The following LOC128092252 variants were observed in gnomAD, a reference collection of about 807,000 sequenced individuals.
chr15:50,678,832 T>A, the LOC128092252 span, among the ~76,000 whole-genome samples: 54 of 151,818 alleles, frequency 3.6e-4, 1 homozygote, highest in East Asian at 9.5e-3. Flanking sequence ...GAGTTCAAGA[T>A]CAACCTGGGC....
At chr15:50,655,927 T>C in the LOC128092252 span, among the ~76,000 whole-genome samples, 1 of 151,636 alleles carries the variant, frequency 6.6e-6, no homozygotes, top group Non-Finnish European at 1.5e-5. Context: ...GAGGCAAAGG[T>C]TGCTGTGAGC....
chr15:50,678,517 AATATAT>A, the LOC128092252 span, among the ~76,000 whole-genome samples: 3,142 of 132,638 alleles, frequency 0.024, 123 homozygotes, highest in African/African-American at 0.081. Flanking sequence ...AAAAAAAAAA[AATATAT>A]ATATATATAT....
the LOC128092252 span, among the ~76,000 whole-genome samples, chr15:50,679,540 T>TATATATATGTGTATATATATAATATA: frequency 2.0e-5 from 1 of 49,542 alleles, no homozygotes; most frequent in African/African-American, 7.7e-5. Context: ...ATATATATAT[T>TATATATATGTGTATATATATAATATA]TTTTTTTTTT....
At chr15:50,667,758 T>C in the LOC128092252 span, among the ~76,000 whole-genome samples, 9 of 152,162 alleles carry the variant, frequency 5.9e-5, no homozygotes, top group African/African-American at 1.9e-4. Context: ...ATTGGATCAA[T>C]TTGTCTATAA....
chr15:50,686,581 T>C, the LOC128092252 span: 1 of 1,606,276 alleles, frequency 6.2e-7, no homozygotes, highest in Middle Eastern at 1.7e-4. Flanking sequence ...CACCTCCTCC[T>C]CCTCCGCGGC....
At chr15:50,673,267 A>G in the LOC128092252 span, among the ~76,000 whole-genome samples, 1 of 151,780 alleles carries the variant, frequency 6.6e-6, no homozygotes, top group African/African-American at 2.4e-5. Context: ...TTTTATTTTT[A>G]TTGTTTTTTA....
At chr15:50,649,751 T>C in the LOC128092252 span, among the ~76,000 whole-genome samples, 1 of 152,074 alleles carries the variant, frequency 6.6e-6, no homozygotes, top group Non-Finnish European at 1.5e-5. Flanking sequence ...AGCTGGGCAG[T>C]CTCATTGATT....
At chr15:50,650,506 C>T in the LOC128092252 span, among the ~76,000 whole-genome samples, 3 of 151,906 alleles carry the variant, frequency 2.0e-5, no homozygotes, top group Non-Finnish European at 2.9e-5. Context: ...ACCAGCCTGA[C>T]CAATATGGTG....
the LOC128092252 span, among the ~76,000 whole-genome samples, chr15:50,672,149 G>A: frequency 6.6e-6 from 1 of 152,022 alleles, no homozygotes; most frequent in African/African-American, 2.4e-5. Context: ...CATCTCCCGG[G>A]TTCACGCCAT....
the LOC128092252 span, chr15:50,686,615 T>A: frequency 6.4e-7 from 1 of 1,567,332 alleles, no homozygotes; most frequent in Non-Finnish European, 8.6e-7. Flanking sequence ...TCGGGAAGCG[T>A]CTCCGGAGGC....
chr15:50,662,834 T>C, the LOC128092252 span: 1 of 718,078 alleles, frequency 1.4e-6, no homozygotes, highest in South Asian at 1.7e-5. Flanking sequence ...AATTAAATGA[T>C]TAACAGTAAT....
the LOC128092252 span, among the ~76,000 whole-genome samples, chr15:50,677,182 T>G: frequency 6.6e-6 from 1 of 152,136 alleles, no homozygotes; most frequent in Non-Finnish European, 1.5e-5. Context: ...AGCTGCCTCC[T>G]CACTGTGTCT....
chr15:50,684,129 G>T, the LOC128092252 span, among the ~76,000 whole-genome samples: 1 of 151,110 alleles, frequency 6.6e-6, no homozygotes, highest in Non-Finnish European at 1.5e-5. Context: ...AAAGTATGGG[G>T]ATTACTGCGC....
the LOC128092252 span, among the ~76,000 whole-genome samples, chr15:50,657,492 A>T: frequency 5.4e-4 from 83 of 152,310 alleles, no homozygotes; most frequent in African/African-American, 2.0e-3. Context: ...GTTTCCTGAC[A>T]GAACCATGAT....
chr15:50,654,502 C>T, the LOC128092252 span, among the ~76,000 whole-genome samples: 1 of 150,966 alleles, frequency 6.6e-6, no homozygotes, highest in Non-Finnish European at 1.5e-5. Flanking sequence ...AAAGCAGTCA[C>T]CAGAAACAGA....
At chr15:50,681,790 G>T in the LOC128092252 span, among the ~76,000 whole-genome samples, 1 of 152,122 alleles carries the variant, frequency 6.6e-6, no homozygotes, top group Non-Finnish European at 1.5e-5. Flanking sequence ...TAGTAAGAGG[G>T]GTAAACAGTG....
At chr15:50,680,280 C>T in the LOC128092252 span, among the ~76,000 whole-genome samples, 5 of 152,064 alleles carry the variant, frequency 3.3e-5, no homozygotes, top group Middle Eastern at 3.4e-3. Context: ...CAGACTAATG[C>T]GTGTAATCCC....
At chr15:50,658,784 C>T in the LOC128092252 span, among the ~76,000 whole-genome samples, 65 of 152,246 alleles carry the variant, frequency 4.3e-4, 1 homozygote, top group South Asian at 0.011. Context: ...TGTACAAGGT[C>T]GTTGACTGCA....
the LOC128092252 span, among the ~76,000 whole-genome samples, chr15:50,673,685 G>C: frequency 6.6e-6 from 1 of 152,060 alleles, no homozygotes; most frequent in African/African-American, 2.4e-5. Flanking sequence ...GACTTGATGG[G>C]CATTTGAGTT....
Sources: gnomAD v4.1 joint callset for allele counts (sites outside exome capture counted in the v4.1 genomes callset) on GRCh38, gnomAD v4.1.1 for gene constraint, MANE v1.5 for transcripts.